Variants in AMBN observed in about 807,000 individuals in gnomAD.
AMBN encodes the protein enamel matrix protein.
AMBN carries 54 observed loss-of-function variants against 48.0 expected under a neutral mutation model. The ratio of observed to expected loss-of-function variants is 1.12; its 90% confidence interval spans 0.90 to 1.41. AMBN has a LOEUF of 1.41. Among genes scored for constraint, AMBN ranks in the 40% most tolerant of loss-of-function variants. The pLI is 0.00. For missense variants in AMBN, 571 were observed against 547.3 expected (o/e 1.04, Z -0.43); for synonymous variants, 186 against 190.0 (o/e 0.98, Z 0.17).
In AMBN at chr4:70,602,906, T is replaced by C; in HGVS notation, c.610-66T>C. 2.0e-6 allele frequency: 3 copies of C among 1,530,292 alleles called. No homozygotes were observed. The South Asian group carries it at 3.6e-5, about 19-fold the overall frequency. The allele number at this position is 1,530,292 out of a possible 1,614,324, so 94.8% of individuals were successfully genotyped here. ...TTTTATTTGTTCACTTTGTCTATCT[T>C]TTATTTGCATTTATCTATTTTGTTC... On this transcript the variant is annotated intron_variant, in intron 8 of 12. Transcript: ENST00000322937.
At position 70,606,278 on chromosome 4, in the gene AMBN, A is replaced by T; in HGVS notation, c.892A>T (p.Met298Leu). Residue 298 changes from methionine to leucine, a missense_variant, in exon 13 of 13, where the codon ATG (methionine) becomes TTG (leucine). Physicochemically the swap from Met to Leu is conservative, Grantham distance 15 (BLOSUM62 2). Transcript: ENST00000322937. ...TGAGGGAATGCCCCACAACCCAGCT[A>T]TGGGCGGTGACTTCACTCTGGAATT... ...GFEGMPHNPAMGGDFTLEFDS... is the reference protein window; with the variant it reads ...GFEGMPHNPALGGDFTLEFDS... 1 of 1,614,128 alleles carries T rather than the reference A, an allele frequency of 6.2e-7. No individual in the cohort carries two copies. Among genetic ancestry groups the T allele is most frequent in the Non-Finnish European group, 8.5e-7 (1 of 1,179,996 alleles).
At chr4:70,593,442 G>T in intron 2 of AMBN, 47 bp downstream of exon 2, 1 of 1,496,804 alleles carries the variant, frequency 6.7e-7, no homozygotes, top group South Asian at 1.1e-5. Flanking sequence ...ATTGATTGTC[G>T]AACTCCAAAC....
chr4:70,603,813 T>C, intron 11 of AMBN, 64 bp from the exon 12 acceptor site: 1 of 1,565,624 alleles, frequency 6.4e-7, no homozygotes, highest in East Asian at 2.2e-5. Flanking sequence ...AACTTTTAAC[T>C]TTGTCTTGAG....
At chr4:70,593,442 G>A (rs368636663) in intron 2 of AMBN, 47 bp downstream of exon 2, 136 of 1,496,682 alleles carry the variant, frequency 9.1e-5, no homozygotes, top group South Asian at 1.4e-4. Context: ...ATTGATTGTC[G>A]AACTCCAAAC....
chr4:70,604,013 G>A (rs1737586077), intron 12 of AMBN, 92 bp downstream of exon 12: 2 of 1,277,242 alleles, frequency 1.6e-6, no homozygotes, highest in East Asian at 2.4e-5. Flanking sequence ...CATGAATGTA[G>A]CCAAATGAGC....
At chr4:70,597,121 G>T in intron 3 of AMBN, 72 bp downstream of exon 3, 3 of 1,382,686 alleles carry the variant, frequency 2.2e-6, no homozygotes, top group Non-Finnish European at 3.0e-6. Context: ...AAATATAATC[G>T]TGTGCTTCTC....
At position 70,599,518 on chromosome 4, in the gene AMBN, T is replaced by A. The variant is rs747646070; in HGVS notation, c.184-18T>A. 1.3e-6 allele frequency: 2 copies of A among 1,531,178 alleles called. No individual in the cohort carries two copies. 94.8% of individuals were successfully genotyped at this position (1,531,178 alleles called of 1,614,324 possible). On this transcript the variant is annotated intron_variant, in intron 4 of 12. Coordinates refer to ENST00000322937, the MANE Select transcript of AMBN (RefSeq NM_016519.6). ...AACATTTAAATATAAGCATGTCTTT[T>A]TTTATCCATGTCTTTAGTATTCTAG...
intron 1 of AMBN, 52 bp downstream of exon 1, chr4:70,592,425 C>T (rs780324229): frequency 1.9e-5 from 30 of 1,593,516 alleles, no homozygotes; most frequent in Non-Finnish European, 3.4e-6. Context: ...TCTTTTTTTC[C>T]TATCTCCTGA....
At chr4:70,594,720 T>C (rs540090155) in intron 2 of AMBN, among the ~76,000 whole-genome samples, 1 of 152,324 alleles carries the variant, frequency 6.6e-6, no homozygotes, top group Non-Finnish European at 1.5e-5. Flanking sequence ...TACCTTTATA[T>C]GATACTGACG....
intron 12 of AMBN, among the ~76,000 whole-genome samples, chr4:70,605,723 G>A (rs1280212598): frequency 6.6e-6 from 1 of 152,026 alleles, no homozygotes; most frequent in Non-Finnish European, 1.5e-5. Context: ...AGGAGTTCTA[G>A]ACCAGCAGCC....
chr4:70,593,426 A>G (rs2109798633), intron 2 of AMBN, 31 bp downstream of exon 2: 2 of 1,570,254 alleles, frequency 1.3e-6, no homozygotes, highest in Middle Eastern at 1.7e-4. Flanking sequence ...TGTCCCAGAA[A>G]AGGTTATTGA....
At chr4:70,602,727 T>C in intron 7 of AMBN, 65 bp downstream of exon 7, 1 of 1,470,216 alleles carries the variant, frequency 6.8e-7, no homozygotes, top group South Asian at 1.3e-5. Context: ...TGTTCACTTT[T>C]TTATTTTTAT....
At chr4:70,598,324 A>G in intron 3 of AMBN, 32 bp from the exon 4 acceptor site, 1 of 1,540,286 alleles carries the variant, frequency 6.5e-7, no homozygotes, top group Non-Finnish European at 8.8e-7. Context: ...AGCATATGCG[A>G]TAAACAGTAA....
At chr4:70,598,696 C>T (rs1424948076) in intron 4 of AMBN, among the ~76,000 whole-genome samples, 1 of 152,048 alleles carries the variant, frequency 6.6e-6, no homozygotes, top group East Asian at 1.9e-4. Context: ...GCAAATATTG[C>T]AGACTAGCTC....
intron 12 of AMBN, among the ~76,000 whole-genome samples, chr4:70,604,211 A>G (rs1162774587): frequency 6.6e-6 from 1 of 152,190 alleles, no homozygotes; most frequent in Non-Finnish European, 1.5e-5. Flanking sequence ...ATTGAACTAT[A>G]AACACTTCAA....
intron 12 of AMBN, among the ~76,000 whole-genome samples, chr4:70,604,542 C>G (rs1471363919): frequency 6.6e-6 from 1 of 152,140 alleles, no homozygotes; most frequent in Non-Finnish European, 1.5e-5. Context: ...AAAACAAAAG[C>G]TATATTGAAT....
intron 2 of AMBN, among the ~76,000 whole-genome samples, chr4:70,595,689 G>A (rs1036342331): frequency 2.0e-5 from 3 of 152,004 alleles, no homozygotes; most frequent in African/African-American, 4.8e-5. Context: ...AAGGAAAGAC[G>A]GCATTACAAC....
At chr4:70,593,167 C>A (rs533863329) in intron 1 of AMBN, among the ~76,000 whole-genome samples, 160 bp from the exon 2 acceptor site, 5 of 152,042 alleles carry the variant, frequency 3.3e-5, no homozygotes, top group Admixed American at 6.6e-5. Context: ...ACATACAAAT[C>A]GGTTGTTTAG....
chr4:70,598,130 TTTAA>T (rs771915325), intron 3 of AMBN, among the ~76,000 whole-genome samples: 19 of 152,242 alleles, frequency 1.2e-4, no homozygotes, highest in Admixed American at 7.9e-4. Context: ...CTTTTTCTCC[TTTAA>T]TTAATGATAA....
Sources: allele counts gnomAD v4.1 joint callset (sites outside exome capture counted in the v4.1 genomes callset), GRCh38; gene constraint gnomAD v4.1.1; transcripts MANE v1.5; gene names NCBI Gene and HGNC (gene_info 2026-07-23, HGNC 2026-07-21).